The following COL19A1 variants were observed in gnomAD, a reference collection of about 807,000 sequenced individuals.
COL19A1 encodes the protein collagen alpha-1(XIX) chain.
Under a neutral mutation model 190.2 loss-of-function variants are expected in COL19A1, and 159 were observed. That is an observed-to-expected ratio of 0.84 (90% CI 0.73 to 0.95). COL19A1 has a LOEUF of 0.95. COL19A1 is among the 40% of genes least tolerant of loss of function. COL19A1 has a pLI of 0.00. For missense variants in COL19A1, 1,418 were observed against 1,431.9 expected (o/e 0.99, Z 0.16); for synonymous variants, 509 against 458.9 (o/e 1.11, Z -1.39).
rs527633308 is a variant in COL19A1 at position 69,891,028 on chromosome 6, G to A, written c.92-7920G>A. On this transcript the variant is annotated intron_variant, in intron 2 of 50. Coordinates refer to ENST00000620364, the MANE Select transcript of COL19A1 (RefSeq NM_001858.6). The stretch of plus-strand genomic sequence containing the variant: ...TTCCTAGCAGAAGGGGCCATTGTCA[G>A]AGGCTCCAGTTGCATGACCATTTGG... 6.4e-5 allele frequency: 23 copies of A among 360,502 alleles called. 2 individuals are homozygous for A. The highest frequency in any genetic ancestry group is 5.5e-4 in the South Asian group (23 of 42,096). The allele number at this position is 360,502 out of a possible 1,614,324, so 22.3% of individuals were successfully genotyped here.
intron 4 of COL19A1, among the ~76,000 whole-genome samples, chr6:69,904,128 C>T (rs1770368302): frequency 6.6e-6 from 1 of 152,186 alleles, no homozygotes; most frequent in Non-Finnish European, 1.5e-5. Flanking sequence ...CTCGGGGGCA[C>T]TGAGCCCAGC....
intron 14 of COL19A1, among the ~76,000 whole-genome samples, chr6:70,036,747 A>T (rs1031073806): frequency 2.0e-5 from 3 of 152,176 alleles, no homozygotes; most frequent in African/African-American, 7.2e-5. Context: ...TAAATTAAGC[A>T]TTTAAATCAG....
chr6:70,172,668 A>G (rs1298626929), intron 41 of COL19A1, among the ~76,000 whole-genome samples: 2 of 152,234 alleles, frequency 1.3e-5, no homozygotes, highest in Non-Finnish European at 1.5e-5. Context: ...ATGTGATGGT[A>G]GAATTATCTT....
chr6:70,164,752 G>A lies in COL19A1; in HGVS notation c.2401-1189G>A, dbSNP rs114208425. ...TTGTTTGTTGACTCATTAGAACTAT[G>A]ACATAATTCTTTGAAGGACACTGCC... is the stretch of plus-strand genomic sequence containing the variant. On this transcript the variant is annotated intron_variant, in intron 36 of 50. Transcript: ENST00000620364. Among the ~76,000 whole-genome samples, 384 of 152,238 alleles carry A rather than the reference G, an allele frequency of 2.5e-3. 2 individuals are homozygous for A. The highest frequency in any genetic ancestry group is 8.9e-3 in the African/African-American group (368 of 41,544).
chr6:69,981,711 A>C (rs1776042247), intron 11 of COL19A1, among the ~76,000 whole-genome samples: 2 of 151,876 alleles, frequency 1.3e-5, no homozygotes, highest in Admixed American at 1.3e-4. Context: ...TATATTTATA[A>C]ACTTTTAAAT....
intron 9 of COL19A1, among the ~76,000 whole-genome samples, chr6:69,948,489 A>G (rs1208520): frequency 8.6e-5 from 13 of 151,810 alleles, no homozygotes; most frequent in Non-Finnish European, 1.6e-4. Flanking sequence ...TGAAAAGGTG[A>G]TGTCCACAGA....
chr6:70,051,756 A>G (rs1481341109), intron 14 of COL19A1, among the ~76,000 whole-genome samples: 1 of 152,016 alleles, frequency 6.6e-6, no homozygotes, highest in Non-Finnish European at 1.5e-5. Context: ...TCATTTCTAT[A>G]CTGTCTTGGT....
At chr6:69,911,995 A>G (rs1289246280) in intron 4 of COL19A1, among the ~76,000 whole-genome samples, 4 of 152,228 alleles carry the variant, frequency 2.6e-5, no homozygotes, top group Admixed American at 6.5e-5. Context: ...CTTGAACACT[A>G]TGGAAATTTC....
rs796113918 is a variant in COL19A1 at position 69,921,404 on chromosome 6, TATATATC to T, written c.267-6491_267-6485del. On this transcript the variant is annotated intron_variant, in intron 4 of 50. Coordinates refer to ENST00000620364, the MANE Select transcript of COL19A1 (RefSeq NM_001858.6). Reference sequence around the variant, plus strand: ...TATATATCATATATATCATATATCATATATATCATATATCATATATATCATATATATC... The same window carrying T: ...TATATATCATATATATCATATATCATATATATCATATATATCATATATATC... Among the ~76,000 whole-genome samples, 289 of 96,508 alleles carry T rather than the reference TATATATC, an allele frequency of 3.0e-3. 8 individuals are homozygous for T. The highest frequency in any genetic ancestry group is 0.015 in the South Asian group (53 of 3,644). 63.3% of individuals were successfully genotyped at this position (96,508 alleles called of 152,430 possible).
chr6:69,910,605 A>G (rs1287251256), intron 4 of COL19A1, among the ~76,000 whole-genome samples: 1 of 152,192 alleles, frequency 6.6e-6, no homozygotes, highest in Non-Finnish European at 1.5e-5. Flanking sequence ...ATGAAACTAA[A>G]GTGTTCTATT....
chr6:70,181,171 CA>C (rs1378938554), intron 44 of COL19A1, among the ~76,000 whole-genome samples: 2 of 152,294 alleles, frequency 1.3e-5, no homozygotes, highest in East Asian at 3.9e-4. Context: ...TTATCCTTTA[CA>C]GAAGGTCACT....
intron 11 of COL19A1, among the ~76,000 whole-genome samples, chr6:70,018,386 A>G (rs969463015): frequency 9.2e-5 from 14 of 152,250 alleles, no homozygotes; most frequent in African/African-American, 3.4e-4. Context: ...TAGGTTAGTG[A>G]TCATGAATTT....
intron 11 of COL19A1, among the ~76,000 whole-genome samples, chr6:70,002,804 G>GTT (rs35656140): frequency 1.7e-5 from 2 of 118,300 alleles, no homozygotes; most frequent in Non-Finnish European, 3.7e-5. Flanking sequence ...GTTGTTGTTG[G>GTT]TTTTTTTTTT....
chr6:69,931,068 G>A (rs1772730526), intron 6 of COL19A1, among the ~76,000 whole-genome samples: 1 of 152,052 alleles, frequency 6.6e-6, no homozygotes, highest in South Asian at 2.1e-4. Context: ...AACTTTGAAT[G>A]GATTAATTTT....
At chr6:70,124,545 G>A (rs1355962958) in intron 17 of COL19A1, among the ~76,000 whole-genome samples, 2 of 147,116 alleles carry the variant, frequency 1.4e-5, no homozygotes, top group Non-Finnish European at 3.0e-5. Context: ...TAAACTTTAA[G>A]GTTATATTTC....
chr6:69,938,494 C>CT (rs5877235), intron 9 of COL19A1, among the ~76,000 whole-genome samples: 22 of 149,922 alleles, frequency 1.5e-4, no homozygotes, highest in African/African-American at 4.6e-4. Context: ...AGCTCTCTAC[C>CT]TTTTTTTTTT....
intron 14 of COL19A1, among the ~76,000 whole-genome samples, chr6:70,056,857 G>A (rs1780531886): frequency 6.6e-6 from 1 of 151,968 alleles, no homozygotes. Context: ...ATTGCAAATT[G>A]AGTGATATTG....
At chr6:70,045,344 G>C (rs1046103359) in intron 14 of COL19A1, among the ~76,000 whole-genome samples, 1 of 147,726 alleles carries the variant, frequency 6.8e-6, no homozygotes, top group African/African-American at 2.5e-5. Flanking sequence ...AACTTTCTCC[G>C]ATCATTCTGT....
At chr6:70,065,460 A>T (rs955488581) in intron 14 of COL19A1, among the ~76,000 whole-genome samples, 1 of 152,228 alleles carries the variant, frequency 6.6e-6, no homozygotes, top group Admixed American at 6.5e-5. Context: ...AATTAATTCA[A>T]GATGGATTAA....
Sources: allele counts gnomAD v4.1 joint callset (sites outside exome capture counted in the v4.1 genomes callset), GRCh38; gene constraint gnomAD v4.1.1; transcripts MANE v1.5; gene names NCBI Gene and HGNC (gene_info 2026-07-23, HGNC 2026-07-21).